The following STARD13 variants were observed in gnomAD, a reference collection of about 807,000 sequenced individuals.
STARD13 encodes StAR related lipid transfer domain containing 13.
A neutral mutation model predicts 106.4 loss-of-function variants in STARD13; 62 were observed. The observed-to-expected ratio is 0.58, with a 90% confidence interval of 0.48 to 0.72. STARD13 has a LOEUF of 0.72. Among genes scored for constraint, STARD13 ranks in the 30% least tolerant of loss-of-function variants. STARD13 has a pLI of 0.00. For missense variants in STARD13, 1,387 were observed against 1,424.0 expected, an observed-to-expected ratio of 0.97 and a Z score of 0.42; for synonymous variants, 565 against 553.0, an observed-to-expected ratio of 1.02 and a Z score of -0.31.
chr13:33,382,104 T>C, the STARD13 span, among the ~76,000 whole-genome samples: 1 of 152,254 alleles, frequency 6.6e-6, no homozygotes, highest in African/African-American at 2.4e-5. Flanking sequence ...AAACGAAGCA[T>C]GGCATACCTT....
the STARD13 span, among the ~76,000 whole-genome samples, chr13:33,602,092 CTTT>C: frequency 2.9e-5 from 4 of 136,446 alleles, no homozygotes. Flanking sequence ...TCTAGTAATT[CTTT>C]TTTTTTTTTT....
the STARD13 span, among the ~76,000 whole-genome samples, chr13:33,495,553 T>C: frequency 6.6e-6 from 1 of 152,064 alleles, no homozygotes; most frequent in Non-Finnish European, 1.5e-5. Context: ...AATATTTAAA[T>C]ATTTGTGTCT....
chr13:33,292,613 AT>A (rs1892337869), intron 1 of STARD13, among the ~76,000 whole-genome samples: 1 of 151,306 alleles, frequency 6.6e-6, no homozygotes, highest in Non-Finnish European at 1.5e-5. Context: ...AAAAAAAAAA[AT>A]CACCACCCTC....
the STARD13 span, among the ~76,000 whole-genome samples, chr13:33,608,230 T>C: frequency 6.6e-6 from 1 of 152,162 alleles, no homozygotes; most frequent in Non-Finnish European, 1.5e-5. Context: ...TTAAAAGACA[T>C]GCAAGAAGAA....
the STARD13 span, among the ~76,000 whole-genome samples, chr13:33,656,013 A>G: frequency 6.6e-6 from 1 of 152,178 alleles, no homozygotes; most frequent in Non-Finnish European, 1.5e-5. Flanking sequence ...GAGCCTTTGC[A>G]CCTACTCTCC....
chr13:33,196,535 G>T (rs2138072459), intron 1 of STARD13, among the ~76,000 whole-genome samples: 1 of 152,320 alleles, frequency 6.6e-6, no homozygotes, highest in East Asian at 1.9e-4. Flanking sequence ...CGATTGTATA[G>T]TAGAGAGGAT....
the STARD13 span, chr13:33,439,703 T>G: frequency 2.4e-5 from 30 of 1,269,004 alleles, 3 homozygotes; most frequent in South Asian, 3.7e-4. Flanking sequence ...ACTCTTTCTT[T>G]GGGTCTGTTA....
chr13:33,206,048 T>G, intron 1 of STARD13: 2 of 985,284 alleles, frequency 2.0e-6, no homozygotes, highest in Non-Finnish European at 2.4e-6. Context: ...GTGTGCCTGG[T>G]TTGAGGTTGG....
chr13:33,222,844 C>T (rs1329248823), intron 1 of STARD13, among the ~76,000 whole-genome samples: 2 of 152,238 alleles, frequency 1.3e-5, no homozygotes, highest in Admixed American at 6.5e-5. Flanking sequence ...AATAATGTCA[C>T]AGAGAGAACA....
At chr13:33,362,574 C>T in the STARD13 span, among the ~76,000 whole-genome samples, 1 of 152,208 alleles carries the variant, frequency 6.6e-6, no homozygotes, top group African/African-American at 2.4e-5. Flanking sequence ...TTTTATCTCT[C>T]TTTGCATCCC....
chr13:33,646,486 G>T, the STARD13 span, among the ~76,000 whole-genome samples: 4 of 152,274 alleles, frequency 2.6e-5, no homozygotes, highest in African/African-American at 7.2e-5. Context: ...ACACATCATG[G>T]CTGTCGGCTG....
At chr13:33,165,316 A>G in intron 3 of STARD13, 21 bp downstream of exon 3, 1 of 1,592,162 alleles carries the variant, frequency 6.3e-7, no homozygotes, top group East Asian at 2.2e-5. Context: ...GAAAGAAACA[A>G]AAATACTTCA....
the STARD13 span, among the ~76,000 whole-genome samples, chr13:33,566,417 A>G: frequency 2.4e-4 from 36 of 147,798 alleles, 4 homozygotes; most frequent in Non-Finnish European, 3.6e-4. Flanking sequence ...CTTTATTTAT[A>G]TCTCTGCATG....
the STARD13 span, among the ~76,000 whole-genome samples, chr13:33,382,586 T>G: frequency 6.6e-6 from 1 of 152,190 alleles, no homozygotes; most frequent in Non-Finnish European, 1.5e-5. Context: ...CACACAAATG[T>G]TAAGTAAACA....
the STARD13 span, among the ~76,000 whole-genome samples, chr13:33,622,296 A>C: frequency 1.3e-5 from 2 of 152,172 alleles, no homozygotes; most frequent in South Asian, 4.1e-4. Context: ...CATAGACATA[A>C]AATCTAACAC....
At chr13:33,248,443 G>A (rs982406451) in intron 1 of STARD13, among the ~76,000 whole-genome samples, 2 of 152,150 alleles carry the variant, frequency 1.3e-5, no homozygotes, top group Non-Finnish European at 2.9e-5. Flanking sequence ...GAAGTCTATG[G>A]CGATCCTGGG....
intron 1 of STARD13, among the ~76,000 whole-genome samples, chr13:33,214,145 T>A (rs138362235): frequency 1.8e-3 from 267 of 152,382 alleles, no homozygotes; most frequent in African/African-American, 6.0e-3. Context: ...AAGTTCACTT[T>A]GAAATTTAAG....
chr13:33,124,770 G>A (rs1876902580), intron 7 of STARD13, among the ~76,000 whole-genome samples: 1 of 152,126 alleles, frequency 6.6e-6, no homozygotes, highest in South Asian at 2.1e-4. Flanking sequence ...TGACTCTATT[G>A]GGATGTGATT....
At chr13:33,226,855 C>T (rs2138196222) in intron 1 of STARD13, among the ~76,000 whole-genome samples, 1 of 152,324 alleles carries the variant, frequency 6.6e-6, no homozygotes, top group Middle Eastern at 3.4e-3. Context: ...ATTAACTTGA[C>T]TCATACTATA....
Sources: gnomAD v4.1 joint callset for allele counts (sites outside exome capture counted in the v4.1 genomes callset) on GRCh38, gnomAD v4.1.1 for gene constraint, MANE v1.5 for transcripts, NCBI Gene and HGNC (gene_info 2026-07-23, HGNC 2026-07-21) for gene names.